TMEM9: variants seen among roughly 807,000 people sequenced by gnomAD.
TMEM9 encodes the protein transmembrane protein 9.
TMEM9 carries 13 observed loss-of-function variants against 22.8 expected under a neutral mutation model. The observed-to-expected ratio is 0.57, with a 90% confidence interval of 0.37 to 0.91. The LOEUF is 0.91. Ranked by LOEUF, TMEM9 falls within the 40% of genes least tolerant of loss-of-function variation. The probability of loss-of-function intolerance (pLI) is 0.01; values close to 1 mark genes in which losing one functional copy is unlikely to be tolerated. For synonymous variants in TMEM9, 88 were observed against 93.0 expected (o/e 0.95, Z 0.31); for missense variants, 182 against 238.1 (o/e 0.76, Z 1.55).
chr1:201,138,202 G>A, intron 4 of TMEM9, among the ~76,000 whole-genome samples: 1 of 152,192 alleles, frequency 6.6e-6, no homozygotes, highest in East Asian at 1.9e-4. Flanking sequence ...TGTATCTCAG[G>A]GGAGCGTCTT....
At chr1:201,137,106 G>A (rs899756299) in intron 4 of TMEM9, among the ~76,000 whole-genome samples, 9 of 152,234 alleles carry the variant, frequency 5.9e-5, no homozygotes, top group Non-Finnish European at 1.3e-4. Context: ...GGAGCCTCCC[G>A]CCCAGGTCCT....
At chr1:201,152,094 T>C (rs1051458014) in intron 1 of TMEM9, among the ~76,000 whole-genome samples, 4 of 152,106 alleles carry the variant, frequency 2.6e-5, no homozygotes, top group Admixed American at 2.6e-4. Flanking sequence ...TCACAGAAAG[T>C]TGTCTAGGCC....
Position 201,135,594 on chromosome 1 carries a change from C to A in TMEM9, c.*69G>T, listed in dbSNP as rs1225769871. 6 of 1,439,958 alleles carry A rather than the reference C, an allele frequency of 4.2e-6. No homozygotes were observed. The highest frequency in any genetic ancestry group is 5.5e-6 in the Non-Finnish European group (6 of 1,082,574). The allele number at this position is 1,439,958 out of a possible 1,614,324, so 89.2% of individuals were successfully genotyped here. Reference sequence around the variant, plus strand: ...GAACCGAGGGAAGGGAGAAGTAGCCCCCTGCTTTGTCCAGCCTGGAAGCTG... The same window carrying A: ...GAACCGAGGGAAGGGAGAAGTAGCCACCTGCTTTGTCCAGCCTGGAAGCTG... On this transcript the variant is annotated 3_prime_UTR_variant, in exon 5 of 5. Transcript: ENST00000367330.
At position 201,151,805 on chromosome 1, in the gene TMEM9, G is replaced by A. The variant is rs150677300; in HGVS notation, c.114C>T (p.Asn38=). The change falls in exon 2 of 5, where the codon AAC becomes AAT. Residue 38 remains asparagine (N), a synonymous_variant. Coordinates refer to ENST00000367330, the MANE Select transcript of TMEM9 (RefSeq NM_001288565.2). ...TCTGGTTGTAAATGTGCCCACTGAT[G>A]TTTCTATAAGGTGGACAGATGCATT... The part of the protein sequence containing the change: ...RCKCICPPYR[N]ISGHIYNQNV... The A allele has an allele frequency of 8.1e-6, 13 of 1,613,980 alleles. No homozygotes were observed. In the African/African-American group the frequency reaches 1.6e-4, roughly 20 times the overall value.
intron 4 of TMEM9, among the ~76,000 whole-genome samples, chr1:201,140,551 G>T (rs757439268): frequency 3.9e-5 from 6 of 152,172 alleles, no homozygotes; most frequent in Non-Finnish European, 8.8e-5. Flanking sequence ...GGCTGAGGGG[G>T]AGGCCTCCTC....
chr1:201,139,490 G>A (rs1043594035), intron 4 of TMEM9, among the ~76,000 whole-genome samples: 4 of 152,134 alleles, frequency 2.6e-5, no homozygotes, highest in South Asian at 2.1e-4. Flanking sequence ...CTGTTTCCCT[G>A]CCCAAAAACC....
In TMEM9 at chr1:201,154,044, G is replaced by A. The variant is rs912823873; in HGVS notation, c.-121C>T. On this transcript the variant is annotated 5_prime_UTR_variant, in exon 1 of 5. Transcript: ENST00000367330. ...TAGGCCCTTAACCATCCGGCCAAGTGGGAATGGGGTTGGGGGCTGGGCTCC... is the reference window on the plus strand; with the variant it reads ...TAGGCCCTTAACCATCCGGCCAAGTAGGAATGGGGTTGGGGGCTGGGCTCC... The A allele has an allele frequency of 3.0e-5, 37 of 1,216,790 alleles. No individual in the cohort carries two copies. In the African/African-American group the frequency reaches 4.5e-4, roughly 15 times the overall value. 75.4% of individuals were successfully genotyped at this position (1,216,790 alleles called of 1,614,324 possible). A position where few individuals can be genotyped will look rare whatever the true frequency, so the allele number is the denominator to read the frequency against.
At chr1:201,146,306 T>C (rs1245394243) in intron 3 of TMEM9, among the ~76,000 whole-genome samples, 1 of 152,244 alleles carries the variant, frequency 6.6e-6, no homozygotes, top group East Asian at 1.9e-4. Flanking sequence ...ACAGCTCTGA[T>C]GCTTTTTAGA....
chr1:201,162,394 C>T (rs897426603), intron 1 of TMEM9, among the ~76,000 whole-genome samples: 2 of 152,038 alleles, frequency 1.3e-5, no homozygotes, highest in Admixed American at 6.5e-5. Flanking sequence ...ACCTCGGCCT[C>T]CCAAAGTGCT....
intron 1 of TMEM9, among the ~76,000 whole-genome samples, chr1:201,169,636 A>T (rs73083016): frequency 0.011 from 1,712 of 152,314 alleles, 31 homozygotes; most frequent in African/African-American, 0.039. Flanking sequence ...AGGGGATGTC[A>T]TGTGGAAGAG....
At chr1:201,147,808 T>C (rs1344972722) in intron 2 of TMEM9, among the ~76,000 whole-genome samples, 3 of 151,964 alleles carry the variant, frequency 2.0e-5, no homozygotes, top group Admixed American at 6.6e-5. Context: ...TTTCCCAACC[T>C]CCAGCCACAC....
At chr1:201,153,799 T>C (rs767465114) in intron 1 of TMEM9, 59 bp downstream of exon 1, 6 of 1,608,864 alleles carry the variant, frequency 3.7e-6, no homozygotes, top group African/African-American at 1.3e-5. Flanking sequence ...GTCAGCCCTG[T>C]AGACAGGGTG....
chr1:201,140,004 AGT>A (rs1196216054), intron 4 of TMEM9, among the ~76,000 whole-genome samples: 2 of 152,168 alleles, frequency 1.3e-5, no homozygotes, highest in African/African-American at 4.8e-5. Flanking sequence ...TGCCCTCATC[AGT>A]GTGTCTGTTC....
At chr1:201,141,069 G>GTGGGCACTGAAAATCCCCCTC (rs1199254150) in intron 4 of TMEM9, among the ~76,000 whole-genome samples, 17 of 152,200 alleles carry the variant, frequency 1.1e-4, no homozygotes, top group African/African-American at 4.1e-4. Flanking sequence ...ACCACCCTGA[G>GTGGGCACTGAAAATCCCCCTC]TGGGCACTGA....
upstream of TMEM9, among the ~76,000 whole-genome samples, chr1:201,156,323 G>C (rs374491202): frequency 6.6e-6 from 1 of 152,020 alleles, no homozygotes; most frequent in Admixed American, 6.6e-5. Context: ...ATCTTTCCTC[G>C]GCTAGCATTC....
At chr1:201,151,691 C>T in intron 2 of TMEM9, 70 bp downstream of exon 2, 2 of 1,179,688 alleles carry the variant, frequency 1.7e-6, no homozygotes, top group South Asian at 1.2e-5. Context: ...CTCCAGGGTC[C>T]AAGAACTCTA....
chr1:201,151,311 C>A (rs562116331), intron 2 of TMEM9, among the ~76,000 whole-genome samples: 1 of 152,200 alleles, frequency 6.6e-6, no homozygotes, highest in Non-Finnish European at 1.5e-5. Context: ...TAAATTATTT[C>A]TTTGGGCCTC....
intron 2 of TMEM9, among the ~76,000 whole-genome samples, chr1:201,150,308 CTGTGGTGTAAGTTTGACCATGACTATCTA>C (rs1414004473): frequency 6.6e-6 from 1 of 152,196 alleles, no homozygotes; most frequent in Non-Finnish European, 1.5e-5. Context: ...TTTTCTCAGT[CTGTGGTGTAAGTTTGACCATGACTATCTA>C]TGTGGCCACC....
Position 201,154,450 on chromosome 1 carries a change from A to C in TMEM9, c.-527T>G. 6.4e-6 allele frequency: 1 copy of C among 156,692 alleles called. No individual in the cohort carries two copies. The highest frequency in any genetic ancestry group is 1.4e-5 in the Non-Finnish European group (1 of 70,598). The allele number at this position is 156,692 out of a possible 1,614,324, so 9.7% of individuals were successfully genotyped here. On this transcript the variant is annotated 5_prime_UTR_variant, in exon 1 of 5. Coordinates refer to ENST00000367330, the MANE Select transcript of TMEM9 (RefSeq NM_001288565.2). ...CCAATGCCGCGTCCACGAACCTACAAGCCCGCTGCAGCCGCAAAAGACCCA... is the reference window on the plus strand; with the variant it reads ...CCAATGCCGCGTCCACGAACCTACACGCCCGCTGCAGCCGCAAAAGACCCA...
Sources: gnomAD v4.1 joint callset for allele counts (sites outside exome capture counted in the v4.1 genomes callset) on GRCh38, gnomAD v4.1.1 for gene constraint, MANE v1.5 for transcripts, NCBI Gene and HGNC (gene_info 2026-07-23, HGNC 2026-07-21) for gene names.